HEATR4: variants seen among roughly 807,000 people sequenced by gnomAD.
HEATR4 encodes the protein HEAT repeat-containing protein 4.
A neutral mutation model predicts 108.8 loss-of-function variants in HEATR4; 95 were observed. The ratio of observed to expected loss-of-function variants is 0.87; its 90% CI spans 0.74 to 1.04. The LOEUF (loss-of-function observed/expected upper bound fraction) is 1.04, where lower values mean the gene tolerates loss of function less well. Ranked by LOEUF, HEATR4 falls within the 50% of genes least tolerant of loss-of-function variation. The pLI is 0.00. For missense variants in HEATR4, 1,152 were observed against 1,253.8 expected (o/e 0.92, Z 1.23); for synonymous variants, 443 against 459.4 (o/e 0.96, Z 0.46).
chr14:73,511,475 C>T (rs1033247967), intron 7 of HEATR4, among the ~76,000 whole-genome samples: 8 of 150,954 alleles, frequency 5.3e-5, no homozygotes, highest in Non-Finnish European at 8.8e-5. Flanking sequence ...GCAGAGATCG[C>T]GCCACTGCAC....
chr14:73,495,171 C>G, intron 16 of HEATR4, 57 bp downstream of exon 16: 1 of 1,500,750 alleles, frequency 6.7e-7, no homozygotes, highest in Non-Finnish European at 9.1e-7. Flanking sequence ...ACATCCAGAT[C>G]CTGGAAGAGG....
the HEATR4 span, among the ~76,000 whole-genome samples, chr14:73,589,066 T>G: frequency 1.1e-4 from 16 of 152,288 alleles, no homozygotes; most frequent in African/African-American, 3.9e-4. Context: ...TTGTTACAAT[T>G]GATTAACCTT....
Position 73,498,258 on chromosome 14 carries a change from G to A in HEATR4, c.2443C>T (p.Leu815=), listed in dbSNP as rs770303872. The stretch of plus-strand genomic sequence containing the variant: ...GCTAGGATGCTACGGCAAGCTTCCA[G>A]CCGTACACCTGGTGACTCTTCATAG... ...IHYEESPGVR[L]EACRSILALK... The change falls in exon 14 of 18, where the codon CTG becomes TTG. Residue 815 remains leucine (L), a synonymous_variant. Transcript: ENST00000553558. The A allele has an allele frequency of 6.2e-7, 1 of 1,614,022 alleles. No homozygotes were observed. The highest frequency in any genetic ancestry group is 2.2e-5 in the East Asian group (1 of 44,898).
intron 7 of HEATR4, among the ~76,000 whole-genome samples, chr14:73,510,718 G>A (rs553780138): frequency 2.0e-5 from 3 of 152,324 alleles, no homozygotes; most frequent in Admixed American, 2.0e-4. Flanking sequence ...TTACAAGTGT[G>A]AGCCACCACA....
At chr14:73,607,654 G>A in the HEATR4 span, among the ~76,000 whole-genome samples, 32 of 151,022 alleles carry the variant, frequency 2.1e-4, no homozygotes, top group African/African-American at 7.3e-4. Context: ...GAAGACTTTC[G>A]CTCTTGTCAC....
chr14:73,528,412 AAACTT>A (rs1446451840), intron 2 of HEATR4, among the ~76,000 whole-genome samples: 1 of 151,286 alleles, frequency 6.6e-6, no homozygotes, highest in Non-Finnish European at 1.5e-5. Flanking sequence ...AAAAAAAAAA[AAACTT>A]AAGGAATAGT....
In HEATR4 at chr14:73,506,562, G is replaced by A. The variant is rs1886842062; in HGVS notation, c.1891C>T (p.His631Tyr). The A allele has an allele frequency of 1.2e-6, 2 of 1,612,828 alleles. No homozygotes were observed. The highest frequency in any genetic ancestry group is 1.7e-6 in the Non-Finnish European group (2 of 1,179,478). ...SYLSEKTTLI[H>Y]TMLAVELNSC... is the part of the protein sequence containing the mutation. ...TTCAGCTCCACAGCAAGCATGGTGT[G>A]TATCAGGGTCTGAGGAAATGGAAGA... Residue 631 changes from histidine (H) to tyrosine (Y), a missense_variant, in exon 10 of 18, where the codon CAC becomes TAC. Transcript: ENST00000553558.
chr14:73,619,587 C>A, the HEATR4 span: 5 of 1,614,176 alleles, frequency 3.1e-6, no homozygotes, highest in African/African-American at 6.7e-5. Flanking sequence ...CTCAGATAGC[C>A]TCTGAAAGGC....
Position 73,495,228 on chromosome 14 carries a change from C to G in HEATR4, c.2785G>C (p.Asp929His). ...TGGAACTCACCCCTAGGAAACCTAC[C>G]CTGAAAAGTTTCTTGGAGTAAAGTC... Reference protein sequence around the residue: ...LQTLLQETFQDEMVLPRRPSE... With the variant: ...LQTLLQETFQHEMVLPRRPSE... The change falls in exon 16 of 18, where the codon GAT (aspartate) becomes CAT (histidine). Residue 929 changes from aspartate (D) to histidine (H), a missense_variant and splice_region_variant. Physicochemically the swap from Asp to His is moderately conservative, Grantham distance 81. Coordinates refer to ENST00000553558, the MANE Select transcript of HEATR4 (RefSeq NM_001220484.1). 1 of 1,612,768 alleles carries G rather than the reference C, an allele frequency of 6.2e-7. No homozygotes were observed. The highest frequency in any genetic ancestry group is 2.2e-5 in the East Asian group (1 of 44,844).
intron 10 of HEATR4, among the ~76,000 whole-genome samples, chr14:73,503,279 A>G (rs1417312582): frequency 6.6e-6 from 1 of 152,164 alleles, no homozygotes; most frequent in East Asian, 1.9e-4. Flanking sequence ...AACTCTCCCA[A>G]GCTCATCCTT....
At chr14:73,579,166 C>T in the HEATR4 span, among the ~76,000 whole-genome samples, 1 of 132,910 alleles carries the variant, frequency 7.5e-6, no homozygotes, top group South Asian at 2.5e-4. Flanking sequence ...TGAGGCAGGA[C>T]AATTGCTTTA....
At chr14:73,528,411 A>AC (rs1888490019) in intron 2 of HEATR4, among the ~76,000 whole-genome samples, 1 of 148,628 alleles carries the variant, frequency 6.7e-6, no homozygotes, top group Admixed American at 6.7e-5. Context: ...AAAAAAAAAA[A>AC]AAACTTAAGG....
At chr14:73,586,568 T>C in the HEATR4 span, among the ~76,000 whole-genome samples, 24 of 151,868 alleles carry the variant, frequency 1.6e-4, no homozygotes, top group Non-Finnish European at 2.9e-4. Flanking sequence ...TAGCCTGGCG[T>C]GGTGGCATGC....
At chr14:73,628,607 G>A in the HEATR4 span, among the ~76,000 whole-genome samples, 1 of 152,234 alleles carries the variant, frequency 6.6e-6, no homozygotes, top group East Asian at 1.9e-4. Flanking sequence ...TACAAAATTA[G>A]CCAGGAGTGG....
chr14:73,513,728 CAAAAAAAAAA>C (rs747778891), intron 6 of HEATR4, among the ~76,000 whole-genome samples: 4 of 46,776 alleles, frequency 8.6e-5, no homozygotes, highest in Admixed American at 3.9e-4. Context: ...ACTACGTCTC[CAAAAAAAAAA>C]AAAAAAAAAA....
At chr14:73,588,024 G>A in the HEATR4 span, among the ~76,000 whole-genome samples, 3 of 148,232 alleles carry the variant, frequency 2.0e-5, no homozygotes, top group South Asian at 2.1e-4. Context: ...TTTTTTAGAC[G>A]GAGTTTCGTT....
chr14:73,539,049 C>A lies in HEATR4; in HGVS notation c.-151-8805G>T, dbSNP rs1888982412. On this transcript the variant is annotated intron_variant, in intron 1 of 17. Coordinates refer to ENST00000553558, the MANE Select transcript of HEATR4 (RefSeq NM_001220484.1). ...TCAATGTTCTTATTTATGTATGGAC[C>A]AGGAAGTCACTTTTTTTTTTAATAA... Among the ~76,000 whole-genome samples, 2 of 115,476 alleles carry A rather than the reference C, an allele frequency of 1.7e-5. 1 individual carries two copies. Among genetic ancestry groups the A allele is most frequent in the Non-Finnish European group, 3.8e-5 (2 of 52,702 alleles). The allele number at this position is 115,476 out of a possible 152,430, so 75.8% of individuals were successfully genotyped here. A position where few individuals can be genotyped will look rare whatever the true frequency, so the allele number is the denominator to read the frequency against.
At chr14:73,632,273 G>T in the HEATR4 span, among the ~76,000 whole-genome samples, 2 of 152,016 alleles carry the variant, frequency 1.3e-5, no homozygotes, top group Admixed American at 6.6e-5. Context: ...ACCATGCCTA[G>T]CCGGAAAACA....
the HEATR4 span, among the ~76,000 whole-genome samples, chr14:73,630,324 A>T: frequency 1.3e-5 from 2 of 152,222 alleles, no homozygotes; most frequent in Non-Finnish European, 2.9e-5. Flanking sequence ...GACAGCATAA[A>T]CATTATTCTA....
Sources: allele counts gnomAD v4.1 joint callset (sites outside exome capture counted in the v4.1 genomes callset), GRCh38; gene constraint gnomAD v4.1.1; transcripts MANE v1.5; gene names NCBI Gene and HGNC (gene_info 2026-07-23, HGNC 2026-07-21).